The following SPAG16 variants were observed in gnomAD, a reference collection of about 807,000 sequenced individuals.
The protein encoded by SPAG16 is sperm-associated antigen 16 protein.
Under a neutral mutation model 80.4 loss-of-function variants are expected in SPAG16, and 86 were observed. The ratio of observed to expected loss-of-function variants is 1.07; its 90% CI spans 0.90 to 1.28. SPAG16 has a LOEUF of 1.28. SPAG16 is among the 50% of genes most tolerant of loss of function. The pLI is 0.00. For missense variants in SPAG16, 870 were observed against 765.3 expected (o/e 1.14, Z -1.61); for synonymous variants, 294 against 265.9 (o/e 1.11, Z -1.03).
At chr2:214,240,394 C>G (rs1689379210) in intron 15 of SPAG16, 1 of 152,114 alleles carries the variant, frequency 6.6e-6, no homozygotes, top group Non-Finnish European at 1.5e-5. Flanking sequence ...GGGTCTATGT[C>G]CTTTCATCAT....
intron 15 of SPAG16, among the ~76,000 whole-genome samples, chr2:214,183,877 G>A (rs1053137885): frequency 2.0e-5 from 3 of 152,028 alleles, no homozygotes; most frequent in African/African-American, 7.2e-5. Flanking sequence ...AATCACAAGT[G>A]GTTGAGGCAA....
At chr2:213,433,951 G>A (rs868446513) in intron 9 of SPAG16, among the ~76,000 whole-genome samples, 17 of 103,190 alleles carry the variant, frequency 1.6e-4, no homozygotes, top group East Asian at 2.8e-4. Context: ...ACATTGTCTC[G>A]TTCTTGTCAC....
At chr2:214,215,359 G>A (rs1912206) in intron 15 of SPAG16, among the ~76,000 whole-genome samples, 49,902 of 151,754 alleles carry the variant, frequency 0.33, 8,404 homozygotes, top group East Asian at 0.52. Context: ...GAATAGACTG[G>A]CCTCACGGAA....
At chr2:213,629,772 A>G (rs1241633702) in intron 10 of SPAG16, among the ~76,000 whole-genome samples, 2 of 152,134 alleles carry the variant, frequency 1.3e-5, no homozygotes, top group African/African-American at 4.8e-5. Flanking sequence ...GGAAGTGCTG[A>G]TTGAATTATT....
intron 14 of SPAG16, among the ~76,000 whole-genome samples, chr2:214,126,376 A>G (rs1418037507): frequency 7.9e-5 from 12 of 151,452 alleles, no homozygotes; most frequent in Non-Finnish European, 1.5e-4. Flanking sequence ...AATTTCCTTC[A>G]TTTCAAAGTA....
intron 13 of SPAG16, among the ~76,000 whole-genome samples, chr2:214,087,964 G>C (rs1047508226): frequency 3.3e-5 from 5 of 151,856 alleles, no homozygotes; most frequent in African/African-American, 1.2e-4. Context: ...ATGCCATCAA[G>C]AATATCCAAA....
At chr2:213,895,980 C>T (rs1429193119) in intron 11 of SPAG16, among the ~76,000 whole-genome samples, 1 of 151,698 alleles carries the variant, frequency 6.6e-6, no homozygotes, top group Non-Finnish European at 1.5e-5. Flanking sequence ...ATCTTCTGCA[C>T]AATAAATGGA....
intron 13 of SPAG16, among the ~76,000 whole-genome samples, chr2:214,041,318 G>T (rs1050310049): frequency 1.3e-5 from 2 of 151,694 alleles, no homozygotes; most frequent in Non-Finnish European, 2.9e-5. Flanking sequence ...CTTTTTGGGG[G>T]TTGCAGAAGG....
At chr2:213,508,813 T>C (rs2075091182) in intron 10 of SPAG16, among the ~76,000 whole-genome samples, 1 of 152,114 alleles carries the variant, frequency 6.6e-6, no homozygotes, top group Non-Finnish European at 1.5e-5. Flanking sequence ...ATATACCTAA[T>C]GTTAAATGAC....
intron 10 of SPAG16, among the ~76,000 whole-genome samples, chr2:213,509,714 A>G (rs540186371): frequency 1.3e-3 from 203 of 152,346 alleles, no homozygotes; most frequent in African/African-American, 4.8e-3. Context: ...AAGAGAAAGC[A>G]TGAAAGATCT....
intron 10 of SPAG16, among the ~76,000 whole-genome samples, chr2:213,703,585 A>G (rs2065599615): frequency 6.6e-6 from 1 of 152,152 alleles, no homozygotes; most frequent in Admixed American, 6.5e-5. Context: ...CTCTTACCAT[A>G]TGTGGCAGAC....
chr2:213,904,035 A>G (rs1240293461), intron 11 of SPAG16, among the ~76,000 whole-genome samples: 1 of 152,140 alleles, frequency 6.6e-6, no homozygotes, highest in African/African-American at 2.4e-5. Flanking sequence ...CTTATTGTCC[A>G]TATCACTATC....
intron 10 of SPAG16, among the ~76,000 whole-genome samples, chr2:213,631,769 C>T (rs1324610080): frequency 2.0e-5 from 3 of 152,126 alleles, no homozygotes; most frequent in Non-Finnish European, 4.4e-5. Flanking sequence ...GTTCTTGGCA[C>T]CTTTGTCAAA....
chr2:213,300,518 C>G (rs1456889542), intron 3 of SPAG16, among the ~76,000 whole-genome samples: 1 of 152,102 alleles, frequency 6.6e-6, no homozygotes, highest in Non-Finnish European at 1.5e-5. Context: ...TCATGTAGCT[C>G]AACTGAGACA....
At chr2:213,963,093 CTTTTTT>C (rs61193296) in intron 12 of SPAG16, among the ~76,000 whole-genome samples, 49 of 140,698 alleles carry the variant, frequency 3.5e-4, no homozygotes, top group Middle Eastern at 4.0e-3. Context: ...TTAGTTTGCT[CTTTTTT>C]TTTTTTTTTA....
chr2:213,341,525 T>C (rs908288880), intron 6 of SPAG16, among the ~76,000 whole-genome samples: 1 of 152,146 alleles, frequency 6.6e-6, no homozygotes, highest in Non-Finnish European at 1.5e-5. Flanking sequence ...AGTATTTCTT[T>C]GTTTGTTGTT....
Position 213,653,598 on chromosome 2 carries a change from T to G in SPAG16, c.1070+163508T>G, listed in dbSNP as rs2063104106. ...ACCTTGGTGTTTTATGAATTTCTAC[T>G]TATTGAGCAAAACCTATATTTGAGA... is the stretch of plus-strand genomic sequence containing the variant. On this transcript the variant is annotated intron_variant, in intron 10 of 15. Transcript: ENST00000331683. Among the ~76,000 whole-genome samples the G allele has an allele frequency of 2.0e-5, 3 of 152,364 alleles. No individual in the cohort carries two copies. The South Asian group carries it at 6.2e-4, about 32-fold the overall frequency.
At chr2:214,055,933 T>A (rs2049916565) in intron 13 of SPAG16, among the ~76,000 whole-genome samples, 1 of 151,810 alleles carries the variant, frequency 6.6e-6, no homozygotes, top group Admixed American at 6.6e-5. Flanking sequence ...GGAAAATTTT[T>A]ACCATGAAGT....
intron 12 of SPAG16, among the ~76,000 whole-genome samples, chr2:214,012,275 TATATA>T (rs1559689609): frequency 2.0e-5 from 1 of 50,412 alleles, no homozygotes; most frequent in African/African-American, 7.6e-5. Context: ...TATATATATA[TATATA>T]TATATATATT....
Sources: allele counts gnomAD v4.1 joint callset (sites outside exome capture counted in the v4.1 genomes callset), GRCh38; gene constraint gnomAD v4.1.1; transcripts MANE v1.5; gene names NCBI Gene and HGNC (gene_info 2026-07-23, HGNC 2026-07-21).